The following ITGA10 variants were observed in gnomAD, a reference collection of about 807,000 sequenced individuals.
ITGA10 encodes integrin subunit alpha 10, also known as integrin alpha-10.
A neutral mutation model predicts 145.2 loss-of-function variants in ITGA10; 105 were observed. The ratio of observed to expected loss-of-function variants is 0.72; its 90% CI spans 0.62 to 0.85. The LOEUF is 0.85. ITGA10 is among the 40% of genes least tolerant of loss of function. The pLI is 0.00. For synonymous variants in ITGA10, 506 were observed against 557.8 expected (o/e 0.91, Z 1.31); for missense variants, 1,317 against 1,444.5 (o/e 0.91, Z 1.43).
In ITGA10 at chr1:145,900,070, C is replaced by T. The variant is rs1656028807; in HGVS notation, c.1909G>A (p.Ala637Thr). Reference protein sequence around the residue: ...VDVAVGAQGAAILLSSRPIVH... With the variant: ...VDVAVGAQGATILLSSRPIVH... ...GGGACCCCTCACCTGAGCAGGATGGCTGCCCCCTGGGCACCCACAGCCACA... is the reference window on the plus strand; with the variant it reads ...GGGACCCCTCACCTGAGCAGGATGGTTGCCCCCTGGGCACCCACAGCCACA... Residue 637 changes from alanine (A) to threonine (T), a missense_variant, in exon 15 of 30, where the codon GCC becomes ACC. Physicochemically the swap from Ala to Thr is moderately conservative, Grantham distance 58. Transcript: ENST00000369304. 1.2e-6 allele frequency: 2 copies of T among 1,613,438 alleles called. No individual in the cohort carries two copies. The highest frequency in any genetic ancestry group is 3.3e-5 in the Admixed American group (2 of 59,918).
At position 145,901,383 on chromosome 1, in the gene ITGA10, TC is replaced by T; in HGVS notation, c.1444-106del. 6.6e-7 allele frequency: 1 copy of T among 1,507,414 alleles called. No homozygotes were observed. Among genetic ancestry groups the T allele is most frequent in the Non-Finnish European group, 9.0e-7 (1 of 1,111,758 alleles). 93.4% of individuals were successfully genotyped at this position (1,507,414 alleles called of 1,614,324 possible). A position where few individuals can be genotyped will look rare whatever the true frequency, so the allele number is the denominator to read the frequency against. On this transcript the variant is annotated intron_variant, in intron 12 of 29. Transcript: ENST00000369304. The surrounding 1 kb of genome is among the most constrained non-coding windows in gnomAD (Gnocchi z 4.3). ...CCAGCCTGCTAGTCTGCTCCTTACA[TC>T]CCTGACAGACTCTGCCAACCAGAAT...
Position 145,907,110 on chromosome 1 carries a change from G to T in ITGA10, c.205C>A (p.Arg69=), listed in dbSNP as rs587766107. 6.4e-7 allele frequency: 1 copy of T among 1,564,010 alleles called. No homozygotes were observed. Among genetic ancestry groups the T allele is most frequent in the Admixed American group, 1.9e-5 (1 of 52,190 alleles). The change falls in exon 3 of 30, where the codon CGG becomes AGG. Residue 69 remains arginine, a synonymous_variant. Coordinates refer to ENST00000369304, the MANE Select transcript of ITGA10 (RefSeq NM_003637.5). ...GGGCAGCGATAAACGTCCCCCCTCC[G>T]GTCGCCTGAAGGCCCATCCCAGGGG... ...GAPWDGPSGD[R]RGDVYRCPVG...
Position 145,909,996 on chromosome 1 carries a change from T to C in ITGA10, c.19A>G (p.Thr7Ala). The change falls in exon 1 of 30, where the codon ACT (threonine) becomes GCT (alanine). Residue 7 changes from threonine (T) to alanine (A), a missense_variant. By Grantham distance (58) the Thr-to-Ala change is moderately conservative. Transcript: ENST00000369304. The part of the protein sequence containing the change: MELPFV[T>A]HLFLPLVFLT... The stretch of plus-strand genomic sequence containing the variant: ...AACACCAGGGGCAAGAACAGGTGAG[T>C]GACGAAGGGGAGTTCCATGCCTGAT... 1 of 1,613,254 alleles carries C rather than the reference T, an allele frequency of 6.2e-7. No homozygotes were observed. Among genetic ancestry groups the C allele is most frequent in the Non-Finnish European group, 8.5e-7 (1 of 1,179,496 alleles).
At chr1:145,899,363 A>G (rs1553747034) in intron 15 of ITGA10, 22 bp from the exon 16 acceptor site, 2 of 1,608,696 alleles carry the variant, frequency 1.2e-6, no homozygotes, top group Non-Finnish European at 1.7e-6. Context: ...GTGGAAAAGA[A>G]ATTCTAGCAG....
Position 145,892,083 on chromosome 1 carries a change from C to A in ITGA10, c.*715G>T. The A allele has an allele frequency of 6.5e-6, 1 of 152,814 alleles. No individual in the cohort carries two copies. The highest frequency in any genetic ancestry group is 1.5e-5 in the Non-Finnish European group (1 of 68,090). The allele number at this position is 152,814 out of a possible 1,614,324, so 9.5% of individuals were successfully genotyped here. On this transcript the variant is annotated 3_prime_UTR_variant, in exon 30 of 30. Transcript: ENST00000369304. Reference sequence around the variant, plus strand: ...TTTGCTCCCAGAAAAGGCTTGGAATCAGGAAGCCTATGCCCAGCGAGCCTG... The same window carrying A: ...TTTGCTCCCAGAAAAGGCTTGGAATAAGGAAGCCTATGCCCAGCGAGCCTG...
At chr1:145,908,241 A>G (rs1193201187) in intron 1 of ITGA10, among the ~76,000 whole-genome samples, 3 of 152,084 alleles carry the variant, frequency 2.0e-5, no homozygotes, top group Non-Finnish European at 4.4e-5. Flanking sequence ...CTCCTTCTCT[A>G]TCTCTTCCTG....
rs782387846 is a variant in ITGA10, at chr1:145,900,871, C to T, written c.1710G>A (p.Gly570=). 3 of 1,614,028 alleles carry T rather than the reference C, an allele frequency of 1.9e-6. No individual in the cohort carries two copies. The highest frequency in any genetic ancestry group is 2.5e-6 in the Non-Finnish European group (3 of 1,180,012). ...NQDGFADVAV[G]APLEDGHQGA... The stretch of plus-strand genomic sequence containing the variant: ...CCTGGTGCCCATCTTCCAGAGGCGC[C>T]CCCACAGCCACATCAGCAAAACCAT... The change falls in exon 14 of 30, where the codon GGG becomes GGA. Residue 570 remains glycine (G), a synonymous_variant. Coordinates refer to ENST00000369304, the MANE Select transcript of ITGA10 (RefSeq NM_003637.5).
rs1422813445 is a variant in ITGA10, at chr1:145,893,131, C to A, written c.3438+30G>T. ...GATCCCTCAACTCATGGGCATCATGCTCCACACTCCCCACTAAAGCAGTGC... is the reference window on the plus strand; with the variant it reads ...GATCCCTCAACTCATGGGCATCATGATCCACACTCCCCACTAAAGCAGTGC... On this transcript the variant is annotated intron_variant, in intron 29 of 29. Coordinates refer to ENST00000369304, the MANE Select transcript of ITGA10 (RefSeq NM_003637.5). 2.0e-6 allele frequency: 3 copies of A among 1,490,228 alleles called. No individual in the cohort carries two copies. In the African/African-American group the frequency reaches 4.1e-5, roughly 21 times the overall value. 92.3% of individuals were successfully genotyped at this position (1,490,228 alleles called of 1,614,324 possible).
intron 17 of ITGA10, 32 bp downstream of exon 17, chr1:145,898,904 C>T: frequency 6.3e-7 from 1 of 1,596,472 alleles, no homozygotes; most frequent in Non-Finnish European, 8.6e-7. Context: ...TTCTCAGGCC[C>T]TGATGCTAAG....
chr1:145,897,491 C>T, intron 20 of ITGA10, 21 bp downstream of exon 20: 1 of 1,613,420 alleles, frequency 6.2e-7, no homozygotes, highest in East Asian at 2.2e-5. Flanking sequence ...CCTTCTCCCA[C>T]ACCCCCTCCT....
At position 145,901,870 on chromosome 1, in the gene ITGA10, T is replaced by G; in HGVS notation, c.1294+7A>C. 6.2e-7 allele frequency: 1 copy of G among 1,614,042 alleles called. No individual in the cohort carries two copies. Among genetic ancestry groups the G allele is most frequent in the South Asian group, 1.1e-5 (1 of 91,074 alleles). ...CTGTAAGTCCTCTGCAACTCTCTGC[T>G]GCTCACCCAGGTAGGCTGCATGGTT... On this transcript the variant is annotated splice_region_variant and intron_variant, in intron 11 of 29. Transcript: ENST00000369304. The surrounding 1 kb of genome is among the most constrained non-coding windows in gnomAD (Gnocchi z 4.3).
Position 145,900,804 on chromosome 1 carries a change from G to A in ITGA10, c.1777C>T (p.Pro593Ser), listed in dbSNP as rs1656185214. ...GTACTCCTGACCTGGGCAGGATGGG[G>A]CCTGACTCCACTCTGGGTTCCATGG... Reference protein sequence around the residue: ...LYHGTQSGVRPHPAQRIAAAS... With the variant: ...LYHGTQSGVRSHPAQRIAAAS... Residue 593 changes from proline (P) to serine (S), a missense_variant, in exon 14 of 30, where the codon CCC becomes TCC. By Grantham distance (74) the Pro-to-Ser change is moderately conservative (BLOSUM62 -1). Coordinates refer to ENST00000369304, the MANE Select transcript of ITGA10 (RefSeq NM_003637.5). 4.3e-6 allele frequency: 7 copies of A among 1,614,086 alleles called. No individual in the cohort carries two copies. The highest frequency in any genetic ancestry group is 5.1e-6 in the Non-Finnish European group (6 of 1,180,002).
At chr1:145,902,112 C>T in intron 10 of ITGA10, 91 bp from the exon 11 acceptor site, 1 of 1,582,854 alleles carries the variant, frequency 6.3e-7, no homozygotes, top group South Asian at 1.1e-5. Flanking sequence ...CACTGAGGGT[C>T]TGCTGGGCTC....
intron 20 of ITGA10, 37 bp from the exon 21 acceptor site, chr1:145,897,376 G>T: frequency 6.2e-7 from 1 of 1,608,504 alleles, no homozygotes; most frequent in East Asian, 2.2e-5. Context: ...GCTGGAGCTG[G>T]GGCTGCAACT....
chr1:145,907,932 G>A (rs1329676755), intron 1 of ITGA10, among the ~76,000 whole-genome samples: 2 of 151,598 alleles, frequency 1.3e-5, no homozygotes, highest in African/African-American at 2.4e-5. Context: ...CACCTCGCCC[G>A]GCTAATTTTT....
Position 145,904,171 on chromosome 1 carries a change from A to G in ITGA10, c.639T>C (p.Pro213=). ...QVGLVQYGES[P]VHEWSLGDFR... is the part of the protein sequence containing the mutation. ...AATCTCCCAGGGACCACTCATGTAC[A>G]GGGCTCTCCCCATACTGTACCAGTC... The change falls in exon 7 of 30, where the codon CCT becomes CCC. Residue 213 remains proline (P), a synonymous_variant. Transcript: ENST00000369304. 1.2e-6 allele frequency: 2 copies of G among 1,614,146 alleles called. No homozygotes were observed. The highest frequency in any genetic ancestry group is 1.7e-6 in the Non-Finnish European group (2 of 1,180,012).
At chr1:145,909,087 G>C (rs1403178447) in intron 1 of ITGA10, among the ~76,000 whole-genome samples, 1 of 151,774 alleles carries the variant, frequency 6.6e-6, no homozygotes, top group African/African-American at 2.4e-5. Context: ...CGGATTGCTT[G>C]AGTCCAGGAG....
intron 7 of ITGA10, 93 bp from the exon 8 acceptor site, chr1:145,903,054 CACACACACACACAG>C (rs1656607043): frequency 2.0e-6 from 2 of 990,342 alleles, no homozygotes; most frequent in African/African-American, 3.3e-5. Flanking sequence ...CACACACACA[CACACACACACACAG>C]GATTTAACAT....
chr1:145,907,243 G>A, intron 2 of ITGA10, 93 bp from the exon 3 acceptor site: 1 of 1,586,928 alleles, frequency 6.3e-7, no homozygotes, highest in South Asian at 1.1e-5. Context: ...TAAGTTTAGA[G>A]CCCCAGCCAC....
Sources: allele counts gnomAD v4.1 joint callset (sites outside exome capture counted in the v4.1 genomes callset), GRCh38; gene constraint gnomAD v4.1.1; non-coding constraint Gnocchi (gnomAD v3.1); transcripts MANE v1.5; gene names NCBI Gene and HGNC (gene_info 2026-07-23, HGNC 2026-07-21).